The following PPP2R3A variants were observed in gnomAD, a reference collection of about 807,000 sequenced individuals.
PPP2R3A encodes serine/threonine-protein phosphatase 2A regulatory subunit B'' subunit alpha.
A neutral mutation model predicts 106.9 loss-of-function variants in PPP2R3A; 80 were observed. The ratio of observed to expected loss-of-function variants is 0.75; its 90% CI spans 0.62 to 0.90. The LOEUF is 0.90. PPP2R3A is among the 40% of genes least tolerant of loss of function. The pLI is 0.00. For synonymous variants in PPP2R3A, 483 were observed against 468.3 expected, an observed-to-expected ratio of 1.03 and a Z score of -0.41; for missense variants, 1,386 against 1,350.4, an observed-to-expected ratio of 1.03 and a Z score of -0.41.
intron 5 of PPP2R3A, among the ~76,000 whole-genome samples, chr3:136,064,355 C>G (rs1245772330): frequency 6.6e-6 from 1 of 151,544 alleles, no homozygotes; most frequent in African/African-American, 2.4e-5. Context: ...CAGCATGGCA[C>G]ATGTATACAT....
chr3:136,065,810 G>A (rs532813611), intron 5 of PPP2R3A, among the ~76,000 whole-genome samples: 2 of 152,160 alleles, frequency 1.3e-5, no homozygotes, highest in South Asian at 2.1e-4. Context: ...CAAGTAGTTG[G>A]GACAACAGAT....
chr3:136,082,219 G>C (rs1936799255), intron 7 of PPP2R3A, 46 bp from the exon 8 acceptor site: 3 of 1,498,996 alleles, frequency 2.0e-6, no homozygotes, highest in Non-Finnish European at 2.8e-6. Flanking sequence ...AGTGGCCAAA[G>C]CTGCTTTTTC....
intron 13 of PPP2R3A, among the ~76,000 whole-genome samples, chr3:136,143,808 CAAT>C (rs1161597128): frequency 6.6e-6 from 1 of 152,026 alleles, no homozygotes; most frequent in Non-Finnish European, 1.5e-5. Flanking sequence ...AAAACACACA[CAAT>C]GTTTTAGGAA....
At chr3:136,068,453 G>A (rs892781560) in intron 5 of PPP2R3A, among the ~76,000 whole-genome samples, 8 of 152,172 alleles carry the variant, frequency 5.3e-5, no homozygotes, top group Non-Finnish European at 8.8e-5. Flanking sequence ...AGGAGGTGGA[G>A]GTTGTAGTGA....
chr3:136,063,151 A>T (rs1336754188), intron 5 of PPP2R3A, among the ~76,000 whole-genome samples: 1 of 152,184 alleles, frequency 6.6e-6, no homozygotes, highest in African/African-American at 2.4e-5. Context: ...GACAAACTTG[A>T]CAAAAACAAG....
At chr3:136,111,920 C>T (rs1250602202) in intron 13 of PPP2R3A, among the ~76,000 whole-genome samples, 1 of 152,108 alleles carries the variant, frequency 6.6e-6, no homozygotes, top group Non-Finnish European at 1.5e-5. Flanking sequence ...TTAAATTCAG[C>T]AGCACATCAA....
At chr3:136,119,049 G>T (rs200749681) in intron 13 of PPP2R3A, among the ~76,000 whole-genome samples, 11 of 152,114 alleles carry the variant, frequency 7.2e-5, no homozygotes, top group African/African-American at 2.2e-4. Flanking sequence ...CAGAACAGAG[G>T]CCTCAGAAAT....
intron 2 of PPP2R3A, among the ~76,000 whole-genome samples, chr3:136,020,268 A>C (rs1183200480): frequency 1.3e-5 from 2 of 152,156 alleles, no homozygotes; most frequent in African/African-American, 4.8e-5. Flanking sequence ...TGTGTACTAT[A>C]AAATGTCTAT....
intron 2 of PPP2R3A, among the ~76,000 whole-genome samples, chr3:136,018,746 G>GA (rs943713849): frequency 2.0e-5 from 3 of 151,738 alleles, no homozygotes; most frequent in Admixed American, 6.6e-5. Context: ...TCCTAAAAAA[G>GA]AAAAAAAATA....
chr3:136,128,037 C>T (rs180997101), intron 13 of PPP2R3A, among the ~76,000 whole-genome samples: 12 of 152,180 alleles, frequency 7.9e-5, no homozygotes, highest in African/African-American at 4.8e-5. Context: ...AAGAAGCAAC[C>T]GGAACGACCC....
At chr3:135,975,970 A>G (rs1043840117) in intron 1 of PPP2R3A, among the ~76,000 whole-genome samples, 2 of 152,220 alleles carry the variant, frequency 1.3e-5, no homozygotes, top group East Asian at 3.8e-4. Context: ...TAAAAGTTGT[A>G]CAAAATGGTA....
At chr3:135,969,920 C>T (rs1054926863) in intron 1 of PPP2R3A, among the ~76,000 whole-genome samples, 3 of 152,314 alleles carry the variant, frequency 2.0e-5, no homozygotes, top group Middle Eastern at 3.4e-3. Flanking sequence ...GCCCACCACT[C>T]CCTAAAATTA....
intron 13 of PPP2R3A, among the ~76,000 whole-genome samples, chr3:136,117,555 C>T (rs927857460): frequency 4.6e-5 from 7 of 152,006 alleles, no homozygotes; most frequent in Admixed American, 2.6e-4. Flanking sequence ...ATATCACCAC[C>T]GATCCCACAG....
intron 2 of PPP2R3A, among the ~76,000 whole-genome samples, chr3:136,011,250 CT>C (rs1373012740): frequency 6.6e-6 from 1 of 152,030 alleles, no homozygotes; most frequent in African/African-American, 2.4e-5. Flanking sequence ...TTATCACCCC[CT>C]GATATATTAT....
intron 3 of PPP2R3A, among the ~76,000 whole-genome samples, chr3:136,038,907 T>G (rs1466525956): frequency 6.6e-6 from 1 of 152,186 alleles, no homozygotes; most frequent in African/African-American, 2.4e-5. Flanking sequence ...TTGACCCCAG[T>G]GGAGGTATGA....
chr3:136,010,076 T>C (rs1042960164), intron 2 of PPP2R3A, among the ~76,000 whole-genome samples: 2 of 152,114 alleles, frequency 1.3e-5, no homozygotes, highest in Non-Finnish European at 2.9e-5. Flanking sequence ...CTCCAGCATC[T>C]TTCCCATCCT....
At chr3:135,966,450 C>T (rs1937088092) in intron 1 of PPP2R3A, among the ~76,000 whole-genome samples, 1 of 152,158 alleles carries the variant, frequency 6.6e-6, no homozygotes, top group South Asian at 2.1e-4. Flanking sequence ...GCCCCTGGTC[C>T]TGCACCGCGG....
chr3:135,998,477 C>G (rs1035591538), intron 1 of PPP2R3A, among the ~76,000 whole-genome samples: 3 of 152,038 alleles, frequency 2.0e-5, no homozygotes, highest in African/African-American at 7.2e-5. Flanking sequence ...TTTCATCAAT[C>G]AAATTACCAA....
At chr3:136,015,513 A>C (rs984795712) in intron 2 of PPP2R3A, among the ~76,000 whole-genome samples, 2 of 150,866 alleles carry the variant, frequency 1.3e-5, no homozygotes, top group African/African-American at 4.9e-5. Flanking sequence ...TGGTCTGTTG[A>C]GCTTCTGTTT....
Sources: gnomAD v4.1 joint callset for allele counts (sites outside exome capture counted in the v4.1 genomes callset) on GRCh38, gnomAD v4.1.1 for gene constraint, MANE v1.5 for transcripts, NCBI Gene and HGNC (gene_info 2026-07-23, HGNC 2026-07-21) for gene names.